The following RBM26 variants were observed in gnomAD, a reference collection of about 807,000 sequenced individuals.
The protein encoded by RBM26 is RNA binding motif protein 26.
Under a neutral mutation model 123.6 loss-of-function variants are expected in RBM26, and 30 were observed. The observed-to-expected ratio is 0.24, with a 90% CI of 0.18 to 0.33. The LOEUF is 0.33. Ranked by LOEUF, RBM26 falls within the 10% of genes least tolerant of loss-of-function variation. The probability of loss-of-function intolerance (pLI) is 1.00; values close to 1 mark genes in which losing one functional copy is unlikely to be tolerated. For missense variants in RBM26, 947 were observed against 1,203.6 expected (o/e 0.79, Z 3.15); for synonymous variants, 400 against 404.4 (o/e 0.99, Z 0.13).
chr13:79,333,707 T>TA, intron 20 of RBM26, among the ~76,000 whole-genome samples: 1 of 152,266 alleles, frequency 6.6e-6, no homozygotes, highest in East Asian at 1.9e-4. Flanking sequence ...CCTTTTTTTT[T>TA]AATCTTTGAA....
chr13:79,319,536 A>G lies in RBM26; in HGVS notation c.*1085T>C. The G allele has an allele frequency of 1.0e-6, 1 of 983,436 alleles. No individual in the cohort carries two copies. The highest frequency in any genetic ancestry group is 1.7e-5 in the African/African-American group (1 of 57,256). The allele number at this position is 983,436 out of a possible 1,614,324, so 60.9% of individuals were successfully genotyped here. ...AAAATATCAGACTGGAACACTTACC[A>G]AACAGTGTTTTCCTAAAGTAGTATC... On this transcript the variant is annotated 3_prime_UTR_variant, in exon 22 of 22. Coordinates refer to ENST00000438737, the MANE Select transcript of RBM26 (RefSeq NM_001366735.2).
chr13:79,336,173 C>T (rs2070354492), intron 19 of RBM26, among the ~76,000 whole-genome samples: 1 of 152,142 alleles, frequency 6.6e-6, no homozygotes, highest in South Asian at 2.1e-4. Flanking sequence ...TACTAGCTTA[C>T]CTATTCTTTA....
chr13:79,358,328 A>G lies in RBM26; in HGVS notation c.1635T>C (p.Asn545=). 6.2e-7 allele frequency: 1 copy of G among 1,611,068 alleles called. No homozygotes were observed. ...TAAAATGTTCATTAAGTTTGCTGAT[A>G]TTATTTAATTCTGGAGGAACTTTTC... ...ELRKVPPELN[N]ISKLNEHFSR... The change falls in exon 11 of 22, where the codon AAT becomes AAC. Residue 545 remains asparagine, a synonymous_variant. Transcript: ENST00000438737.
intron 1 of RBM26, among the ~76,000 whole-genome samples, chr13:79,387,400 T>C (rs2077580391): frequency 6.6e-6 from 1 of 152,162 alleles, no homozygotes; most frequent in South Asian, 2.1e-4. Context: ...CCAAGCCAAA[T>C]TGTTAGCCTT....
intron 1 of RBM26, among the ~76,000 whole-genome samples, chr13:79,392,028 AATT>A (rs2078058848): frequency 7.9e-6 from 1 of 126,636 alleles, no homozygotes; most frequent in Admixed American, 9.1e-5. Context: ...ATTATTATAT[AATT>A]ATATATTATA....
chr13:79,372,810 T>C (rs1175937528), intron 3 of RBM26, among the ~76,000 whole-genome samples: 1 of 130,680 alleles, frequency 7.7e-6, no homozygotes, highest in Non-Finnish European at 1.5e-5. Flanking sequence ...TTATATGATA[T>C]ATATTTATAA....
chr13:79,367,829 T>TA (rs761373248), intron 6 of RBM26, among the ~76,000 whole-genome samples: 131 of 151,834 alleles, frequency 8.6e-4, no homozygotes, highest in Non-Finnish European at 1.6e-3. Flanking sequence ...GTATACATAC[T>TA]AAAAAAACAA....
In RBM26 at chr13:79,352,308, G is replaced by A. The variant is rs192712568; in HGVS notation, c.2058+845C>T. ...ATAGGAGCCCCAAATTCTAGTTCTG[G>A]CTCAGTGACTCACAGTATACAGATG... On this transcript the variant is annotated intron_variant, in intron 14 of 21. Coordinates refer to ENST00000438737, the MANE Select transcript of RBM26 (RefSeq NM_001366735.2). Among the ~76,000 whole-genome samples the A allele has an allele frequency of 4.6e-5, 7 of 152,184 alleles. No homozygotes were observed. The East Asian group carries it at 1.4e-3, about 29-fold the overall frequency.
Position 79,366,163 on chromosome 13 carries a change from A to G in RBM26, c.1168T>C (p.Ser390Pro). ...GAGTTTGGAGGAGCATCCATGCCAG[A>G]TGGCTGCAAAGGAGGAAGTGGAGGT... is the stretch of plus-strand genomic sequence containing the variant. ...PPPPLPPLQP[S>P]GMDAPPNSAT... Residue 390 changes from serine (S) to proline (P), a missense_variant, in exon 8 of 22, where the codon TCT becomes CCT. Physicochemically the swap from Ser to Pro is moderately conservative, Grantham distance 74. Coordinates refer to ENST00000438737, the MANE Select transcript of RBM26 (RefSeq NM_001366735.2). The G allele has an allele frequency of 6.2e-7, 1 of 1,613,822 alleles. No individual in the cohort carries two copies. Among genetic ancestry groups the G allele is most frequent in the Non-Finnish European group, 8.5e-7 (1 of 1,179,772 alleles).
chr13:79,361,221 T>TA (rs1385013659), intron 9 of RBM26, among the ~76,000 whole-genome samples: 27 of 152,124 alleles, frequency 1.8e-4, no homozygotes, highest in Admixed American at 1.1e-3. Flanking sequence ...TCATATTTGA[T>TA]ATATGACTAC....
Position 79,405,806 on chromosome 13 carries a change from C to T in RBM26, c.-32G>A. Reference sequence around the variant, plus strand: ...CGGCCCTAAGGCCCGTCACACTCCTCCGCCCGCCCAGGTCGCGGCCGCTAC... The same window carrying T: ...CGGCCCTAAGGCCCGTCACACTCCTTCGCCCGCCCAGGTCGCGGCCGCTAC... On this transcript the variant is annotated 5_prime_UTR_variant, in exon 1 of 22. Coordinates refer to ENST00000438737, the MANE Select transcript of RBM26 (RefSeq NM_001366735.2). 1 of 1,428,970 alleles carries T rather than the reference C, an allele frequency of 7.0e-7. No homozygotes were observed. The highest frequency in any genetic ancestry group is 2.7e-5 in the East Asian group (1 of 36,598). 88.5% of individuals were successfully genotyped at this position (1,428,970 alleles called of 1,614,324 possible). A position where few individuals can be genotyped will look rare whatever the true frequency, so the allele number is the denominator to read the frequency against.
chr13:79,317,778 T>C (rs1476496965), downstream of RBM26, among the ~76,000 whole-genome samples: 7 of 151,722 alleles, frequency 4.6e-5, no homozygotes, highest in East Asian at 1.4e-3. Context: ...ACTGTATCAA[T>C]TGCTTAGCAA....
downstream of RBM26, among the ~76,000 whole-genome samples, chr13:79,316,195 GTGT>G: frequency 2.0e-5 from 1 of 49,160 alleles, no homozygotes; most frequent in African/African-American, 1.8e-4. Flanking sequence ...TGGGGCAGGT[GTGT>G]GTGTGTGTGT....
At chr13:79,326,231 C>T (rs568347613) in intron 20 of RBM26, among the ~76,000 whole-genome samples, 34 of 152,276 alleles carry the variant, frequency 2.2e-4, no homozygotes, top group African/African-American at 8.2e-4. Flanking sequence ...TGCTTTTAAA[C>T]AGTACGAATA....
intron 9 of RBM26, among the ~76,000 whole-genome samples, chr13:79,364,102 C>T (rs2075007650): frequency 6.7e-6 from 1 of 149,760 alleles, no homozygotes; most frequent in Non-Finnish European, 1.5e-5. Flanking sequence ...TCCATATATC[C>T]CTCACATACA....
intron 9 of RBM26, among the ~76,000 whole-genome samples, chr13:79,360,195 CTT>C (rs2074509805): frequency 6.6e-6 from 1 of 152,020 alleles, no homozygotes. Context: ...ATAAGTGAAA[CTT>C]TATCACAGGT....
chr13:79,320,754 A>G, intron 21 of RBM26, 44 bp from the exon 22 acceptor site: 1 of 1,446,336 alleles, frequency 6.9e-7, no homozygotes, highest in Non-Finnish European at 9.3e-7. Context: ...AAAAAAAAAA[A>G]AAGAAAAGAA....
chr13:79,372,333 C>G (rs929969552), intron 3 of RBM26, among the ~76,000 whole-genome samples: 31 of 152,024 alleles, frequency 2.0e-4, no homozygotes, highest in Admixed American at 1.9e-3. Flanking sequence ...GCTTTAATGA[C>G]TTTATTAACA....
At chr13:79,383,145 G>A (rs1221559416) in intron 1 of RBM26, among the ~76,000 whole-genome samples, 1 of 26,408 alleles carries the variant, frequency 3.8e-5, no homozygotes, top group Non-Finnish European at 8.7e-5. Flanking sequence ...CTGCCTGAGG[G>A]TTCTCCTTCA....
Sources: allele counts gnomAD v4.1 joint callset (sites outside exome capture counted in the v4.1 genomes callset), GRCh38; gene constraint gnomAD v4.1.1; transcripts MANE v1.5; gene names NCBI Gene and HGNC (gene_info 2026-07-23, HGNC 2026-07-21).